The following NAT10 variants were observed in gnomAD, a reference collection of about 807,000 sequenced individuals.
NAT10 encodes the protein RNA cytidine acetyltransferase.
A neutral mutation model predicts 132.2 loss-of-function variants in NAT10; 109 were observed. The observed-to-expected ratio is 0.82, with a 90% CI of 0.71 to 0.97. The LOEUF (loss-of-function observed/expected upper bound fraction) is 0.97, where lower values mean the gene tolerates loss of function less well. NAT10 is among the 50% of genes least tolerant of loss of function. The pLI, the probability that NAT10 is intolerant of heterozygous loss-of-function variation, is 0.00. For missense variants in NAT10, 1,184 were observed against 1,263.4 expected, an observed-to-expected ratio of 0.94 and a Z score of 0.95; for synonymous variants, 479 against 478.0, an observed-to-expected ratio of 1.00 and a Z score of -0.03.
At chr11:34,108,534 G>GA (rs1313593421) in intron 2 of NAT10, among the ~76,000 whole-genome samples, 1 of 152,142 alleles carries the variant, frequency 6.6e-6, no homozygotes, top group African/African-American at 2.4e-5. Flanking sequence ...AATACCTTTT[G>GA]AAGCCTGGGG....
chr11:34,118,045 T>C (rs1590764207), intron 6 of NAT10, 135 bp from the exon 7 acceptor site: 1 of 643,952 alleles, frequency 1.6e-6, no homozygotes, highest in Non-Finnish European at 2.7e-6. Flanking sequence ...CACACTGCTC[T>C]CCAACTAGGT....
At chr11:34,133,470 A>G (rs1852144069) in intron 16 of NAT10, among the ~76,000 whole-genome samples, 1 of 152,208 alleles carries the variant, frequency 6.6e-6, no homozygotes, top group South Asian at 2.1e-4. Context: ...ATTAGAGGCT[A>G]CAGATTGGGG....
chr11:34,131,661 C>G (rs1381805189), intron 14 of NAT10, 130 bp downstream of exon 14: 1 of 910,824 alleles, frequency 1.1e-6, no homozygotes, highest in Non-Finnish European at 1.5e-6. Context: ...TTTCAATTTC[C>G]TTTTTCTCTT....
intron 8 of NAT10, among the ~76,000 whole-genome samples, chr11:34,120,216 T>G (rs956450440): frequency 7.0e-5 from 10 of 143,100 alleles, no homozygotes; most frequent in African/African-American, 2.3e-4. Flanking sequence ...GATTTTGGCC[T>G]TTTTTGTATT....
intron 16 of NAT10, 67 bp from the exon 17 acceptor site, chr11:34,134,252 A>G: frequency 7.4e-7 from 1 of 1,351,080 alleles, no homozygotes; most frequent in Non-Finnish European, 1.1e-6. Flanking sequence ...GAAACAAGCT[A>G]TATTCTGTGA....
chr11:34,127,620 G>A lies in NAT10; in HGVS notation c.1244+21G>A. 4 of 1,593,312 alleles carry A rather than the reference G, an allele frequency of 2.5e-6. No individual in the cohort carries two copies. The South Asian group carries it at 4.4e-5, about 18-fold the overall frequency. On this transcript the variant is annotated intron_variant, in intron 12 of 28. Transcript: ENST00000257829. ...AATGGGTAAGGTACTGTGGGCAGGA[G>A]TCCTTACTCCCGTGGCAGGCTCTTG...
intron 28 of NAT10, 21 bp from the exon 29 acceptor site, chr11:34,146,063 C>A: frequency 6.6e-7 from 1 of 1,510,398 alleles, no homozygotes; most frequent in South Asian, 1.2e-5. Context: ...TTCATTCTTT[C>A]TATTTTTGAT....
At chr11:34,134,860 ACTTC>A (rs913643333) in intron 18 of NAT10, among the ~76,000 whole-genome samples, 3 of 152,194 alleles carry the variant, frequency 2.0e-5, no homozygotes, top group African/African-American at 7.2e-5. Flanking sequence ...GGCTGTAGAA[ACTTC>A]CTTTTCAGGC....
intron 4 of NAT10, 42 bp downstream of exon 4, chr11:34,112,265 G>A (rs1000968390): frequency 1.2e-6 from 2 of 1,612,374 alleles, no homozygotes; most frequent in African/African-American, 2.7e-5. Flanking sequence ...TCAGAGTCTT[G>A]AGGGTTGCTT....
At chr11:34,121,246 T>C (rs1259893632) in intron 8 of NAT10, among the ~76,000 whole-genome samples, 2 of 151,942 alleles carry the variant, frequency 1.3e-5, no homozygotes, top group African/African-American at 4.8e-5. Context: ...GGAGTGAGGG[T>C]GGCAGCAGGA....
At chr11:34,131,974 G>C (rs537596138) in intron 14 of NAT10, 151 bp from the exon 15 acceptor site, 4 of 667,320 alleles carry the variant, frequency 6.0e-6, no homozygotes, top group African/African-American at 5.4e-5. Flanking sequence ...GTGAGCCAAC[G>C]CGCCTGGCCC....
At chr11:34,143,599 G>T (rs149449658) in intron 28 of NAT10, 71 bp downstream of exon 28, 3 of 1,424,138 alleles carry the variant, frequency 2.1e-6, no homozygotes, top group South Asian at 2.5e-5. Context: ...CTTTAACTTT[G>T]ACTAGAAAAT....
chr11:34,137,045 AGAG>A lies in NAT10; in HGVS notation c.2211+23_2211+25del. 1 of 1,614,162 alleles carries A rather than the reference AGAG, an allele frequency of 6.2e-7. No homozygotes were observed. Among genetic ancestry groups the A allele is most frequent in the Non-Finnish European group, 8.5e-7 (1 of 1,179,978 alleles). ...GACCCCGGTGAGTGAGGCATCCAGC[AGAG>A]GAGAAGTTTAGGTTTACCGTTATGG... On this transcript the variant is annotated intron_variant, in intron 21 of 28. Transcript: ENST00000257829.
intron 3 of NAT10, among the ~76,000 whole-genome samples, chr11:34,110,750 G>A (rs1306946327): frequency 1.3e-5 from 2 of 151,796 alleles, no homozygotes; most frequent in Non-Finnish European, 2.9e-5. Flanking sequence ...TAGTACCAGA[G>A]GCTAAACTTG....
chr11:34,142,391 G>T, intron 27 of NAT10, 43 bp downstream of exon 27: 3 of 1,571,506 alleles, frequency 1.9e-6, no homozygotes, highest in Non-Finnish European at 2.6e-6. Context: ...GGCTTCTGGG[G>T]CCCTAAGAAT....
intron 21 of NAT10, among the ~76,000 whole-genome samples, chr11:34,138,523 C>G (rs569518867): frequency 6.6e-6 from 1 of 152,236 alleles, no homozygotes; most frequent in Admixed American, 6.5e-5. Context: ...GGTTGAGTCT[C>G]TGTCAGTACA....
chr11:34,116,874 T>C (rs1851792536), intron 6 of NAT10, among the ~76,000 whole-genome samples: 1 of 151,938 alleles, frequency 6.6e-6, no homozygotes, highest in Non-Finnish European at 1.5e-5. Flanking sequence ...GGATTGCATG[T>C]ATGAGCCACC....
rs773872950 is a variant in NAT10 at position 34,122,488 on chromosome 11, C to T, written c.810C>T (p.Gly270=). 2 of 1,614,208 alleles carry T rather than the reference C, an allele frequency of 1.2e-6. No homozygotes were observed. Among genetic ancestry groups the T allele is most frequent in the South Asian group, 1.1e-5 (1 of 91,084 alleles). Residue 270 remains glycine (G), a synonymous_variant, in exon 9 of 29, where the codon GGC becomes GGT. Transcript: ENST00000257829. ...QAKAVLKFIE[G]ISEKTLRSTV... is the part of the protein sequence containing the mutation. ...AAGCTGTCTTGAAATTTATCGAGGG[C>T]ATCTCTGAAAAGACCCTGAGGAGTA...
At chr11:34,120,140 T>C (rs902327758) in intron 8 of NAT10, among the ~76,000 whole-genome samples, 1 of 122,378 alleles carries the variant, frequency 8.2e-6, no homozygotes, top group African/African-American at 3.0e-5. Context: ...GTTGTTGCTG[T>C]TGGTTTTTTT....
Sources: allele counts gnomAD v4.1 joint callset (sites outside exome capture counted in the v4.1 genomes callset), GRCh38; gene constraint gnomAD v4.1.1; transcripts MANE v1.5; gene names NCBI Gene and HGNC (gene_info 2026-07-23, HGNC 2026-07-21).